The following CACNA1C variants were observed in gnomAD, a reference collection of about 807,000 sequenced individuals.
The protein encoded by CACNA1C is calcium voltage-gated channel subunit alpha1 C.
Under a neutral mutation model 229.0 loss-of-function variants are expected in CACNA1C, and 30 were observed. The ratio of observed to expected loss-of-function variants is 0.13; its 90% CI spans 0.10 to 0.18. The LOEUF is 0.18. Ranked by LOEUF, CACNA1C falls within the 10% of genes least tolerant of loss-of-function variation. CACNA1C has a pLI of 1.00. For missense variants in CACNA1C, 1,658 were observed against 2,845.0 expected (o/e 0.58, Z 9.49); for synonymous variants, 1,114 against 1,132.5 (o/e 0.98, Z 0.33).
Position 2,280,226 on chromosome 12 carries a change from TTTAACCTC to T in CACNA1C, c.477+159799_477+159806del, listed in dbSNP as rs1476061255. ...CTCTTGAGACCTTGCTGTGCTTCGG[TTTAACCTC>T]TTGAGACCTTGCTGTGCTTCGGTTT... is the stretch of plus-strand genomic sequence containing the variant. On this transcript the variant is annotated intron_variant, in intron 3 of 46. Transcript: ENST00000399655. Among the ~76,000 whole-genome samples the T allele has an allele frequency of 4.1e-4, 49 of 118,830 alleles. 1 individual carries two copies. The highest frequency in any genetic ancestry group is 1.9e-3 in the South Asian group (6 of 3,150). 78.0% of individuals were successfully genotyped at this position (118,830 alleles called of 152,430 possible). A position where few individuals can be genotyped will look rare whatever the true frequency, so the allele number is the denominator to read the frequency against.
At chr12:2,160,088 C>T (rs1430331790) in intron 3 of CACNA1C, among the ~76,000 whole-genome samples, 2 of 152,160 alleles carry the variant, frequency 1.3e-5, no homozygotes, top group Non-Finnish European at 2.9e-5. Context: ...TTGCTAGTTA[C>T]CACCTGCCCT....
chr12:2,565,272 T>G lies in CACNA1C; in HGVS notation c.1509-1150T>G, dbSNP rs546396470. ...TCATGAGGTCAGGAGATCGAGACCA[T>G]CCTGGCTAACAAGGTGAAACCCGTC... On this transcript the variant is annotated intron_variant, in intron 11 of 46. Coordinates refer to ENST00000399655, the MANE Select transcript of CACNA1C (RefSeq NM_000719.7). Among the ~76,000 whole-genome samples, 7 of 151,680 alleles carry G rather than the reference T, an allele frequency of 4.6e-5. No homozygotes were observed. The South Asian group carries it at 8.4e-4, about 18-fold the overall frequency.
chr12:2,359,029 C>T (rs2239056), intron 3 of CACNA1C, among the ~76,000 whole-genome samples: 6,382 of 152,302 alleles, frequency 0.042, 189 homozygotes, highest in East Asian at 0.13. Flanking sequence ...TTTCTCCTTC[C>T]ACCTCTCCTG....
At position 2,653,885 on chromosome 12, in the gene CACNA1C, G is replaced by A. The variant is rs569771699; in HGVS notation, c.4125G>A (p.Ala1375=). The A allele has an allele frequency of 1.2e-5, 19 of 1,613,822 alleles. No homozygotes were observed. The highest frequency in any genetic ancestry group is 5.0e-5 in the Admixed American group (3 of 60,030). ...LLIVMLFFIY[A]VIGMQVFGKI... ...TCGTGATGCTGTTCTTCATCTACGC[G>A]GTGATCGGGATGCAGGTAGGGAGGC... The change falls in exon 33 of 47, where the codon GCG becomes GCA. Residue 1375 remains alanine, a synonymous_variant. Coordinates refer to ENST00000399655, the MANE Select transcript of CACNA1C (RefSeq NM_000719.7). The surrounding 1 kb of genome is among the most constrained non-coding windows in gnomAD (Gnocchi z 4.7).
intron 9 of CACNA1C, among the ~76,000 whole-genome samples, chr12:2,529,133 A>G (rs115955492): frequency 0.016 from 2,483 of 152,296 alleles, 80 homozygotes; most frequent in African/African-American, 0.057. Flanking sequence ...TCAACTAGAA[A>G]CCAGTGAGGC....
At chr12:2,320,664 G>T (rs1466068268) in intron 3 of CACNA1C, among the ~76,000 whole-genome samples, 2 of 152,150 alleles carry the variant, frequency 1.3e-5, no homozygotes, top group Non-Finnish European at 2.9e-5. Context: ...GGTTCTTTCT[G>T]TGTTACTCTG....
intron 13 of CACNA1C, among the ~76,000 whole-genome samples, chr12:2,571,855 C>T (rs1202933352): frequency 6.6e-6 from 1 of 152,088 alleles, no homozygotes; most frequent in Non-Finnish European, 1.5e-5. Flanking sequence ...TGACAGTGAC[C>T]AAGAAAAATG....
Position 2,565,399 on chromosome 12 carries a change from G to A in CACNA1C, c.1509-1023G>A, listed in dbSNP as rs529086524. On this transcript the variant is annotated intron_variant, in intron 11 of 46. Transcript: ENST00000399655. Reference sequence around the variant, plus strand: ...GGAGAATGGCGTGAACCCGGGAAGCGGAGCTTGCAGTGAGCCGAGATTGCG... The same window carrying A: ...GGAGAATGGCGTGAACCCGGGAAGCAGAGCTTGCAGTGAGCCGAGATTGCG... 6.6e-5 allele frequency among the ~76,000 whole-genome samples: 10 copies of A among 151,320 alleles called. No individual in the cohort carries two copies. In the South Asian group the frequency reaches 1.3e-3, roughly 19 times the overall value.
chr12:2,096,806 C>T (rs1376029265), intron 1 of CACNA1C, among the ~76,000 whole-genome samples: 1 of 152,178 alleles, frequency 6.6e-6, no homozygotes, highest in East Asian at 1.9e-4. Flanking sequence ...TTCTAGGTAC[C>T]TCATATAAGT....
chr12:2,685,750 A>G lies in CACNA1C; in HGVS notation c.5588A>G (p.Asp1863Gly), dbSNP rs1179074227. ...CTCTGTTCCAGGCTCTCCTACCAGG[A>G]TGACGAAAATCGGCAACTGACGCTC... ...LLSTEMLSYQ[D>G]DENRQLTLPE... is the part of the protein sequence containing the mutation. The change falls in exon 44 of 47, where the codon GAT (aspartate) becomes GGT (glycine). Residue 1863 changes from aspartate (D) to glycine (G), a missense_variant. By Grantham distance (94) the Asp-to-Gly change is moderately conservative. Around this residue, in one of 20 missense-constraint regions of CACNA1C, gnomAD observed 590 missense variants for 700.8 expected, o/e 0.84. Coordinates refer to ENST00000399655, the MANE Select transcript of CACNA1C (RefSeq NM_000719.7). 8.7e-6 allele frequency: 14 copies of G among 1,613,484 alleles called. No individual in the cohort carries two copies. The highest frequency in any genetic ancestry group is 1.2e-5 in the Non-Finnish European group (14 of 1,179,526).
rs778100212 is a variant in CACNA1C at position 2,685,826 on chromosome 12, C to T, written c.5664C>T (p.Leu1888=). Reference sequence around the variant, plus strand: ...GGCAATCTCCGAAGAGGGGTTTCCTCCGCTCTGCCTCACTAGGTAAATGCA... The same window carrying T: ...GGCAATCTCCGAAGAGGGGTTTCCTTCGCTCTGCCTCACTAGGTAAATGCA... ...DIRQSPKRGF[L]RSASLGRRAS... The change falls in exon 44 of 47, where the codon CTC becomes CTT. Residue 1888 remains leucine (L), a synonymous_variant. Transcript: ENST00000399655. 1 of 1,612,544 alleles carries T rather than the reference C, an allele frequency of 6.2e-7. No homozygotes were observed. Among genetic ancestry groups the T allele is most frequent in the South Asian group, 1.1e-5 (1 of 91,044 alleles).
At chr12:1,992,949 C>G (rs2039819581) in intron 1 of CACNA1C, 1 of 594,802 alleles carries the variant, frequency 1.7e-6, no homozygotes, top group Non-Finnish European at 3.0e-6. Context: ...TCTGCAGTCT[C>G]CTCACTAAGA....
At chr12:2,491,246 G>T (rs2099727466) in intron 6 of CACNA1C, among the ~76,000 whole-genome samples, 1 of 152,198 alleles carries the variant, frequency 6.6e-6, no homozygotes, top group Non-Finnish European at 1.5e-5. Context: ...TTGACTGCAA[G>T]CAGGCGAGGG....
intron 1 of CACNA1C, among the ~76,000 whole-genome samples, chr12:1,995,491 G>T (rs2040577801): frequency 1.3e-5 from 2 of 152,244 alleles, no homozygotes; most frequent in Non-Finnish European, 2.9e-5. Context: ...TATACCAACG[G>T]TTCTTGGGTA....
intron 34 of CACNA1C, 106 bp from the exon 35 acceptor site, chr12:2,664,719 A>C: frequency 1.2e-6 from 1 of 851,898 alleles, no homozygotes; most frequent in Non-Finnish European, 1.7e-6. Flanking sequence ...CATTTTAGTA[A>C]CTCCCTCTGG....
chr12:2,230,499 T>C (rs2154361504), intron 3 of CACNA1C, among the ~76,000 whole-genome samples: 1 of 152,178 alleles, frequency 6.6e-6, no homozygotes, highest in Admixed American at 6.5e-5. Flanking sequence ...AGAACCTGAG[T>C]GTCCAAAAGG....
intron 11 of CACNA1C, among the ~76,000 whole-genome samples, chr12:2,565,196 C>T (rs550770618): frequency 1.9e-3 from 286 of 152,082 alleles, no homozygotes; most frequent in Middle Eastern, 3.4e-3. Context: ...CGGCCGGGCG[C>T]GGTGGCTCAC....
intron 20 of CACNA1C, 59 bp downstream of exon 20, chr12:2,596,062 C>T (rs963882221): frequency 6.7e-7 from 1 of 1,503,662 alleles, no homozygotes; most frequent in African/African-American, 1.4e-5. Context: ...AGGCCCACAG[C>T]TTCTGTTGCT....
intron 5 of CACNA1C, among the ~76,000 whole-genome samples, chr12:2,484,421 G>C (rs2099689244): frequency 6.6e-6 from 1 of 152,208 alleles, no homozygotes; most frequent in South Asian, 2.1e-4. Context: ...GGTGTAGCCA[G>C]ACCCGACAGG....
Sources: allele counts gnomAD v4.1 joint callset (sites outside exome capture counted in the v4.1 genomes callset), GRCh38; gene constraint gnomAD v4.1.1; regional missense constraint gnomAD v4.1.1; non-coding constraint Gnocchi (gnomAD v3.1); transcripts MANE v1.5; gene names NCBI Gene and HGNC (gene_info 2026-07-23, HGNC 2026-07-21).